IKZF2: variants seen among roughly 807,000 people sequenced by gnomAD.
The protein encoded by IKZF2 is IKAROS family zinc finger 2.
IKZF2 carries 15 observed loss-of-function variants against 49.2 expected under a neutral mutation model. The ratio of observed to expected loss-of-function variants is 0.30; its 90% CI spans 0.20 to 0.47. IKZF2 has a LOEUF of 0.47. Ranked by LOEUF, IKZF2 falls within the 20% of genes least tolerant of loss-of-function variation. The probability of loss-of-function intolerance (pLI) is 1.00; values close to 1 mark genes in which losing one functional copy is unlikely to be tolerated. For missense variants in IKZF2, 567 were observed against 664.6 expected (o/e 0.85, Z 1.61); for synonymous variants, 227 against 221.4 (o/e 1.03, Z -0.23).
At chr2:213,073,359 A>G (rs1481475281) in intron 4 of IKZF2, among the ~76,000 whole-genome samples, 1 of 152,182 alleles carries the variant, frequency 6.6e-6, no homozygotes, top group Non-Finnish European at 1.5e-5. Context: ...CAGTTTCCCA[A>G]TAAGTAACCA....
intron 6 of IKZF2, among the ~76,000 whole-genome samples, chr2:213,037,747 C>G (rs1338500509): frequency 6.6e-6 from 1 of 152,154 alleles, no homozygotes; most frequent in African/African-American, 2.4e-5. Flanking sequence ...GCAACTGACA[C>G]TGCTTGTGTA....
chr2:213,109,912 T>C (rs1574877567), intron 4 of IKZF2, among the ~76,000 whole-genome samples: 1 of 152,066 alleles, frequency 6.6e-6, no homozygotes, highest in African/African-American at 2.4e-5. Flanking sequence ...TGTTCAATAT[T>C]AATTGCTTGA....
intron 6 of IKZF2, among the ~76,000 whole-genome samples, chr2:213,024,243 C>A (rs1303813346): frequency 6.6e-6 from 1 of 152,122 alleles, no homozygotes. Flanking sequence ...TATTAGGTGA[C>A]ATGTTGGATT....
chr2:213,136,832 T>C (rs2060694015), intron 4 of IKZF2, among the ~76,000 whole-genome samples: 1 of 152,186 alleles, frequency 6.6e-6, no homozygotes, highest in South Asian at 2.1e-4. Context: ...TATTATTTGT[T>C]TTCACACATT....
chr2:213,140,526 T>C (rs1232611493), intron 4 of IKZF2, among the ~76,000 whole-genome samples: 1 of 151,948 alleles, frequency 6.6e-6, no homozygotes, highest in Non-Finnish European at 1.5e-5. Context: ...TATTTATTTA[T>C]AAGGAAACAG....
At chr2:213,102,597 T>G (rs915539510) in intron 4 of IKZF2, among the ~76,000 whole-genome samples, 4 of 151,218 alleles carry the variant, frequency 2.6e-5, no homozygotes, top group African/African-American at 7.3e-5. Context: ...TCATTAGAAA[T>G]TAAACAAAAA....
At chr2:213,033,675 C>A (rs1698716704) in intron 6 of IKZF2, among the ~76,000 whole-genome samples, 1 of 127,930 alleles carries the variant, frequency 7.8e-6, no homozygotes, top group African/African-American at 2.7e-5. Flanking sequence ...GGCTTATTCA[C>A]TAAACCATAT....
chr2:213,145,995 C>T (rs187643989), intron 4 of IKZF2, among the ~76,000 whole-genome samples: 41 of 152,188 alleles, frequency 2.7e-4, no homozygotes, highest in Admixed American at 2.1e-3. Flanking sequence ...GAAGCAAGTA[C>T]TTGCAAAACC....
intron 2 of IKZF2, among the ~76,000 whole-genome samples, chr2:213,149,735 C>T (rs2061208100): frequency 6.6e-6 from 1 of 151,816 alleles, no homozygotes; most frequent in South Asian, 2.1e-4. Flanking sequence ...AAAACCACTT[C>T]CCTTCTCCCT....
upstream of IKZF2, chr2:213,151,614 CG>C (rs2061282563): frequency 6.6e-6 from 1 of 152,288 alleles, no homozygotes; most frequent in Non-Finnish European, 1.5e-5. Flanking sequence ...AGGGTTAGCC[CG>C]GGACAGCTGG....
Position 213,086,098 on chromosome 2 carries a change from AC to A in IKZF2, c.140-29000del, listed in dbSNP as rs1704559889. The stretch of plus-strand genomic sequence containing the variant: ...AAAACTGCTTAGTATAGGAATCATT[AC>A]TCCACTAAAAACATAAATTACTTGG... On this transcript the variant is annotated intron_variant, in intron 4 of 8. Transcript: ENST00000434687. Among the ~76,000 whole-genome samples, 3 of 152,156 alleles carry A rather than the reference AC, an allele frequency of 2.0e-5. No individual in the cohort carries two copies. The South Asian group carries it at 6.2e-4, about 32-fold the overall frequency.
chr2:213,072,296 G>A (rs200539488), intron 4 of IKZF2, among the ~76,000 whole-genome samples: 2 of 144,550 alleles, frequency 1.4e-5, no homozygotes, highest in Non-Finnish European at 3.0e-5. Flanking sequence ...CCTTTCCTTT[G>A]TTTTTTTTTT....
At chr2:213,062,844 A>G (rs1381717432) in intron 4 of IKZF2, among the ~76,000 whole-genome samples, 1 of 152,040 alleles carries the variant, frequency 6.6e-6, no homozygotes, top group Non-Finnish European at 1.5e-5. Flanking sequence ...AACACCAAAC[A>G]TGATTAAATC....
At chr2:213,045,682 G>A (rs1700086174) in intron 6 of IKZF2, among the ~76,000 whole-genome samples, 2 of 152,286 alleles carry the variant, frequency 1.3e-5, no homozygotes, top group South Asian at 4.1e-4. Context: ...TTCAGCATTG[G>A]TAAAATTTTA....
chr2:213,058,160 T>G (rs1553562347), intron 4 of IKZF2, among the ~76,000 whole-genome samples: 2 of 152,094 alleles, frequency 1.3e-5, no homozygotes, highest in Non-Finnish European at 1.5e-5. Flanking sequence ...AACCACACAG[T>G]CTGTGATTTG....
At chr2:213,079,575 A>AAT (rs1703701943) in intron 4 of IKZF2, among the ~76,000 whole-genome samples, 2 of 27,914 alleles carry the variant, frequency 7.2e-5, no homozygotes, top group Non-Finnish European at 1.7e-4. Flanking sequence ...GAGACAGAGA[A>AAT]AGAGAAAAGA....
chr2:213,069,482 C>T (rs1702479736), intron 4 of IKZF2, among the ~76,000 whole-genome samples: 1 of 152,132 alleles, frequency 6.6e-6, no homozygotes, highest in Non-Finnish European at 1.5e-5. Flanking sequence ...TGTCTTCTTT[C>T]ACACTCCTAG....
chr2:213,139,633 G>T (rs1016999792), intron 4 of IKZF2, among the ~76,000 whole-genome samples: 1 of 151,912 alleles, frequency 6.6e-6, no homozygotes, highest in Admixed American at 6.6e-5. Flanking sequence ...TATCAGTTTT[G>T]TAAACCTGTT....
At chr2:213,074,173 G>A (rs1703004068) in intron 4 of IKZF2, among the ~76,000 whole-genome samples, 1 of 152,096 alleles carries the variant, frequency 6.6e-6, no homozygotes, top group Non-Finnish European at 1.5e-5. Flanking sequence ...CTAAGTCAAG[G>A]AAAATATATT....
Sources: allele counts gnomAD v4.1 joint callset (sites outside exome capture counted in the v4.1 genomes callset), GRCh38; gene constraint gnomAD v4.1.1; transcripts MANE v1.5; gene names NCBI Gene and HGNC (gene_info 2026-07-23, HGNC 2026-07-21).